EPYC: variants seen among roughly 807,000 people sequenced by gnomAD.
EPYC encodes dermatan sulfate proteoglycan 3.
In EPYC, 28 loss-of-function variants were observed where a neutral mutation model predicts 30.1. The ratio of observed to expected loss-of-function variants is 0.93; its 90% confidence interval spans 0.69 to 1.28. The LOEUF is 1.28. EPYC is among the 50% of genes most tolerant of loss of function. The pLI is 0.00. For missense variants in EPYC, 382 were observed against 383.5 expected (o/e 1.00, Z 0.03); for synonymous variants, 144 against 141.4 (o/e 1.02, Z -0.13).
intron 2 of EPYC, among the ~76,000 whole-genome samples, chr12:91,000,785 A>G (rs1340027470): frequency 1.0e-5 from 1 of 99,054 alleles, no homozygotes. Context: ...TCAGAAATGC[A>G]CTAACTTTTT....
Position 90,968,260 on chromosome 12 carries a change from GTATT to G in EPYC, c.798+1780_798+1783del, listed in dbSNP as rs528313134. Reference sequence around the variant, plus strand: ...GTTAATAACTGTGACTTACATTTAAGTATTTATCATATATCAGTAGCTATATTAA... The same window carrying G: ...GTTAATAACTGTGACTTACATTTAAGTATCATATATCAGTAGCTATATTAA... On this transcript the variant is annotated intron_variant, in intron 6 of 6. Transcript: ENST00000261172. Among the ~76,000 whole-genome samples the G allele has an allele frequency of 2.0e-5, 3 of 152,220 alleles. 1 individual carries two copies. Among genetic ancestry groups the G allele is most frequent in the Middle Eastern group, 6.8e-3 (2 of 294 alleles).
intron 6 of EPYC, among the ~76,000 whole-genome samples, chr12:90,965,942 G>T (rs1876884198): frequency 6.6e-6 from 1 of 151,804 alleles, no homozygotes; most frequent in East Asian, 1.9e-4. Context: ...CTAGTGTATA[G>T]ATATCCTGCA....
intron 2 of EPYC, among the ~76,000 whole-genome samples, chr12:90,998,738 A>G (rs1417943219): frequency 6.6e-6 from 1 of 152,170 alleles, no homozygotes; most frequent in Non-Finnish European, 1.5e-5. Context: ...TGCATAACAA[A>G]TTGCCATAAA....
chr12:90,969,024 G>GTA (rs1187186706), intron 6 of EPYC, among the ~76,000 whole-genome samples: 1 of 150,362 alleles, frequency 6.7e-6, no homozygotes, highest in African/African-American at 2.4e-5. Context: ...TATAGTGTGT[G>GTA]TATATACATA....
chr12:90,995,596 G>A (rs1877677114), intron 2 of EPYC, among the ~76,000 whole-genome samples: 1 of 151,474 alleles, frequency 6.6e-6, no homozygotes, highest in Non-Finnish European at 1.5e-5. Flanking sequence ...TTATCAAATG[G>A]TTACAATATT....
At chr12:90,995,842 T>C (rs996768359) in intron 2 of EPYC, among the ~76,000 whole-genome samples, 8 of 151,898 alleles carry the variant, frequency 5.3e-5, no homozygotes, top group Non-Finnish European at 1.2e-4. Context: ...GGAAAGTCAA[T>C]GAGACAACCA....
At chr12:90,981,879 A>C (rs1365139990) in intron 2 of EPYC, among the ~76,000 whole-genome samples, 2 of 152,132 alleles carry the variant, frequency 1.3e-5, no homozygotes, top group African/African-American at 2.4e-5. Context: ...TCTACAGCTA[A>C]GTTTCTAATA....
At chr12:90,995,667 A>G (rs1440749775) in intron 2 of EPYC, among the ~76,000 whole-genome samples, 1 of 151,878 alleles carries the variant, frequency 6.6e-6, no homozygotes, top group Non-Finnish European at 1.5e-5. Context: ...TAAATAATAT[A>G]TAATATAAAT....
At chr12:90,985,655 A>G (rs1387886125) in intron 2 of EPYC, among the ~76,000 whole-genome samples, 1 of 150,968 alleles carries the variant, frequency 6.6e-6, no homozygotes, top group Non-Finnish European at 1.5e-5. Context: ...ACACTTTACA[A>G]AAGATTGTCC....
chr12:91,002,354 C>A, intron 2 of EPYC, 47 bp downstream of exon 2: 1 of 1,555,284 alleles, frequency 6.4e-7, no homozygotes, highest in East Asian at 2.3e-5. Flanking sequence ...CCAAGTCATT[C>A]CTCATCCTAT....
chr12:90,972,945 T>C lies in EPYC; in HGVS notation c.376A>G (p.Thr126Ala). The C allele has an allele frequency of 1.9e-6, 3 of 1,608,236 alleles. No individual in the cohort carries two copies. The highest frequency in any genetic ancestry group is 2.6e-6 in the Non-Finnish European group (3 of 1,176,448). ...PTCLLCTCIS[T>A]TVYCDDHELD... The stretch of plus-strand genomic sequence containing the variant: ...TCATGGTCATCACAGTACACGGTGG[T>C]ACTTATACAAGTACACAAAAGACAG... The change falls in exon 4 of 7, where the codon ACC (threonine) becomes GCC (alanine). Residue 126 changes from threonine to alanine, a missense_variant. Thr to Ala is a moderately conservative substitution (Grantham distance 58). Coordinates refer to ENST00000261172, the MANE Select transcript of EPYC (RefSeq NM_004950.5).
chr12:90,991,087 A>G (rs925701421), intron 2 of EPYC, among the ~76,000 whole-genome samples: 2 of 152,142 alleles, frequency 1.3e-5, no homozygotes, highest in Non-Finnish European at 2.9e-5. Context: ...TCCAGTCTCA[A>G]TATTTTTTAG....
chr12:90,975,302 A>G (rs533697169), intron 3 of EPYC, among the ~76,000 whole-genome samples: 1 of 152,140 alleles, frequency 6.6e-6, no homozygotes, highest in South Asian at 2.1e-4. Flanking sequence ...AGGGTAATTT[A>G]TATATATTCG....
intron 3 of EPYC, among the ~76,000 whole-genome samples, chr12:90,976,696 G>A (rs1457214969): frequency 6.6e-6 from 1 of 152,000 alleles, no homozygotes; most frequent in Admixed American, 6.6e-5. Flanking sequence ...ATATTGTTTG[G>A]CTGTGTCCCC....
chr12:90,988,441 GT>G (rs2120847817), intron 2 of EPYC, among the ~76,000 whole-genome samples: 1 of 152,194 alleles, frequency 6.6e-6, no homozygotes, highest in Admixed American at 6.5e-5. Context: ...TATTAAATTT[GT>G]TGAAAATGAA....
intron 1 of EPYC, among the ~76,000 whole-genome samples, chr12:91,003,203 C>T (rs184267544): frequency 3.2e-4 from 49 of 152,200 alleles, no homozygotes; most frequent in African/African-American, 1.1e-3. Context: ...TTTTCTGTTA[C>T]TTCTTTGTAG....
At chr12:91,003,950 A>C (rs1877891635) in intron 1 of EPYC, among the ~76,000 whole-genome samples, 1 of 152,132 alleles carries the variant, frequency 6.6e-6, no homozygotes, top group African/African-American at 2.4e-5. Context: ...TAGCTCTCCT[A>C]TGCTTTCTTC....
intron 2 of EPYC, among the ~76,000 whole-genome samples, chr12:90,996,287 G>A (rs952464569): frequency 1.7e-4 from 26 of 151,742 alleles, no homozygotes; most frequent in African/African-American, 5.1e-4. Flanking sequence ...TTGATTTCTG[G>A]AAGTTGTCCG....
chr12:90,987,754 A>G (rs778579131), intron 2 of EPYC, among the ~76,000 whole-genome samples: 1 of 152,002 alleles, frequency 6.6e-6, no homozygotes, highest in Non-Finnish European at 1.5e-5. Context: ...CCATTGCACA[A>G]CTCTGAGAAG....
Sources: gnomAD v4.1 joint callset for allele counts (sites outside exome capture counted in the v4.1 genomes callset) on GRCh38, gnomAD v4.1.1 for gene constraint, MANE v1.5 for transcripts, NCBI Gene and HGNC (gene_info 2026-07-23, HGNC 2026-07-21) for gene names.